The following CACNA1D variants were observed in gnomAD, a reference collection of about 807,000 sequenced individuals.
The protein encoded by CACNA1D is calcium voltage-gated channel subunit alpha1 D, also known as voltage-dependent L-type calcium channel subunit alpha-1D.
A neutral mutation model predicts 257.1 loss-of-function variants in CACNA1D; 55 were observed. The observed-to-expected ratio is 0.21, with a 90% CI of 0.17 to 0.27. The LOEUF is 0.27. Among genes scored for constraint, CACNA1D ranks in the 10% least tolerant of loss-of-function variants. The pLI is 1.00. For missense variants in CACNA1D, 1,876 were observed against 2,784.0 expected, an observed-to-expected ratio of 0.67 and a Z score of 7.34; for synonymous variants, 980 against 1,014.9, an observed-to-expected ratio of 0.97 and a Z score of 0.65.
Position 53,537,186 on chromosome 3 carries a change from G to A in CACNA1D, c.483+35466G>A, listed in dbSNP as rs190225934. On this transcript the variant is annotated intron_variant, in intron 3 of 47. Transcript: ENST00000350061. ...TTTAATAGTTAACATTCCAAAAAAT[G>A]TTTTGTTTATACTAGAATATATATT... is the stretch of plus-strand genomic sequence containing the variant. Among the ~76,000 whole-genome samples, 380 of 152,096 alleles carry A rather than the reference G, an allele frequency of 2.5e-3. 1 individual carries two copies. Among genetic ancestry groups the A allele is most frequent in the African/African-American group, 8.3e-3 (346 of 41,484 alleles).
intron 3 of CACNA1D, among the ~76,000 whole-genome samples, chr3:53,526,737 C>T (rs1388605499): frequency 1.3e-5 from 2 of 152,186 alleles, no homozygotes; most frequent in African/African-American, 2.4e-5. Context: ...CACTTTGTCA[C>T]CAAGCCTGGA....
At position 53,751,441 on chromosome 3, in the gene CACNA1D, G is replaced by A. The variant is rs2095225197; in HGVS notation, c.3517-308G>A. Among the ~76,000 whole-genome samples, 2 of 152,194 alleles carry A rather than the reference G, an allele frequency of 1.3e-5. No individual in the cohort carries two copies. The highest frequency in any genetic ancestry group is 6.5e-5 in the Admixed American group (1 of 15,288). The stretch of plus-strand genomic sequence containing the variant: ...ACTCCTGCTTGTGTATACACTGCAG[G>A]GCCTCAGGAAAGACAGCTAAAAGCT... On this transcript the variant is annotated intron_variant, in intron 27 of 47. Coordinates refer to ENST00000350061, the MANE Select transcript of CACNA1D (RefSeq NM_001128840.3). The surrounding 1 kb of genome is among the most constrained non-coding windows in gnomAD (Gnocchi z 4.3).
At position 53,735,403 on chromosome 3, in the gene CACNA1D, A is replaced by C; in HGVS notation, c.2651A>C (p.Asn884Thr). 1 of 1,614,070 alleles carries C rather than the reference A, an allele frequency of 6.2e-7. No homozygotes were observed. Among genetic ancestry groups the C allele is most frequent in the Non-Finnish European group, 8.5e-7 (1 of 1,179,932 alleles). Reference sequence around the variant, plus strand: ...CGCGTAGGCTGCCACAAGCTCATCAACCACCACATCTTCACCAACCTCATC... The same window carrying C: ...CGCGTAGGCTGCCACAAGCTCATCACCCACCACATCTTCACCAACCTCATC... Reference protein sequence around the residue: ...PIRVGCHKLINHHIFTNLILV... With the variant: ...PIRVGCHKLITHHIFTNLILV... Residue 884 changes from asparagine to threonine, a missense_variant, in exon 20 of 48, where the codon AAC becomes ACC. Physicochemically the swap from Asn to Thr is moderately conservative, Grantham distance 65. Around this residue, in one of 10 missense-constraint regions of CACNA1D, gnomAD observed 271 missense variants for 425.5 expected, o/e 0.64. Transcript: ENST00000350061.
At chr3:53,504,741 G>A (rs555612581) in intron 3 of CACNA1D, among the ~76,000 whole-genome samples, 26 of 152,104 alleles carry the variant, frequency 1.7e-4, no homozygotes, top group Non-Finnish European at 3.4e-4. Context: ...TCAAGTGTCA[G>A]AGTGGGGATG....
At chr3:53,692,154 G>T (rs1207862382) in intron 8 of CACNA1D, among the ~76,000 whole-genome samples, 3 of 151,300 alleles carry the variant, frequency 2.0e-5, no homozygotes, top group African/African-American at 7.3e-5. Flanking sequence ...AATGGCCGGG[G>T]TTTGTGATAA....
At chr3:53,572,588 C>A (rs939776927) in intron 3 of CACNA1D, among the ~76,000 whole-genome samples, 11 of 151,980 alleles carry the variant, frequency 7.2e-5, no homozygotes, top group Non-Finnish European at 1.5e-4. Flanking sequence ...TTTATAGAGA[C>A]AAGGCTTCAC....
At chr3:53,714,224 TA>T (rs562074173) in intron 9 of CACNA1D, among the ~76,000 whole-genome samples, 37 of 152,330 alleles carry the variant, frequency 2.4e-4, no homozygotes, top group Middle Eastern at 3.4e-3. Context: ...TGCTTATTTC[TA>T]CAGTAGGGGA....
intron 3 of CACNA1D, among the ~76,000 whole-genome samples, chr3:53,515,903 G>A (rs1181551638): frequency 6.6e-6 from 1 of 152,160 alleles, no homozygotes; most frequent in Non-Finnish European, 1.5e-5. Context: ...CAGGCATTTA[G>A]GCTCTGCCCT....
At chr3:53,500,700 C>G (rs1397257854) in intron 2 of CACNA1D, among the ~76,000 whole-genome samples, 2 of 152,042 alleles carry the variant, frequency 1.3e-5, no homozygotes, top group African/African-American at 4.8e-5. Context: ...GGCTGAAAAC[C>G]CAAAGAAGAA....
At chr3:53,520,894 CTTTTCTTTTCTTTTCTTTTCTT>C (rs2091540617) in intron 3 of CACNA1D, among the ~76,000 whole-genome samples, 1 of 103,034 alleles carries the variant, frequency 9.7e-6, no homozygotes, top group African/African-American at 3.5e-5. Context: ...TTCTTTCTTT[CTTTTCTTTTCTTTTCTTTTCTT>C]TTTCTTTCTT....
In CACNA1D at chr3:53,774,550, A is replaced by C. The variant is rs764818938; in HGVS notation, c.4111-37A>C. 7.9e-7 allele frequency: 1 copy of C among 1,269,040 alleles called. No homozygotes were observed. The highest frequency in any genetic ancestry group is 1.2e-6 in the Non-Finnish European group (1 of 864,862). The allele number at this position is 1,269,040 out of a possible 1,614,324, so 78.6% of individuals were successfully genotyped here. A position where few individuals can be genotyped will look rare whatever the true frequency, so the allele number is the denominator to read the frequency against. On this transcript the variant is annotated intron_variant, in intron 33 of 47. Transcript: ENST00000350061. The surrounding 1 kb of genome is among the most constrained non-coding windows in gnomAD (Gnocchi z 4.3). ...CATACGGATTTTTTTTGCATGACGAAATCTATTCTCTTTTTCCTGACAACT... is the reference window on the plus strand; with the variant it reads ...CATACGGATTTTTTTTGCATGACGACATCTATTCTCTTTTTCCTGACAACT...
At chr3:53,596,640 A>G (rs955637278) in intron 3 of CACNA1D, among the ~76,000 whole-genome samples, 3 of 152,202 alleles carry the variant, frequency 2.0e-5, no homozygotes, top group Admixed American at 1.3e-4. Flanking sequence ...GCAGAAGTCA[A>G]GAGTGATGTA....
Position 53,813,087 on chromosome 3 carries a change from AT to A in CACNA1D, c.*1685del, listed in dbSNP as rs1346694066. 3.3e-5 allele frequency: 5 copies of A among 151,550 alleles called. No homozygotes were observed. Among genetic ancestry groups the A allele is most frequent in the Non-Finnish European group, 7.4e-5 (5 of 67,962 alleles). 9.4% of individuals were successfully genotyped at this position (151,550 alleles called of 1,614,324 possible). On this transcript the variant is annotated 3_prime_UTR_variant, in exon 48 of 48. Coordinates refer to ENST00000350061, the MANE Select transcript of CACNA1D (RefSeq NM_001128840.3). ...TCAAAAAGATAGATGATAGGTAGCA[AT>A]TTTGGTCCAAAATTTTTAATAGTAT...
intron 3 of CACNA1D, among the ~76,000 whole-genome samples, chr3:53,614,759 C>T (rs544188790): frequency 1.3e-5 from 2 of 152,168 alleles, no homozygotes; most frequent in Non-Finnish European, 2.9e-5. Flanking sequence ...TGTGTCATAA[C>T]AACTGTCTCT....
chr3:53,612,397 G>A (rs971851800), intron 3 of CACNA1D, among the ~76,000 whole-genome samples: 2 of 152,156 alleles, frequency 1.3e-5, no homozygotes, highest in African/African-American at 2.4e-5. Context: ...CTGTCTTTAA[G>A]CGTTGTTAGG....
intron 10 of CACNA1D, 88 bp from the exon 11 acceptor site, chr3:53,719,667 G>C: frequency 8.1e-7 from 1 of 1,232,362 alleles, no homozygotes; most frequent in African/African-American, 1.5e-5. Flanking sequence ...TGTATGCATG[G>C]CTTTTATGAT....
At chr3:53,755,334 AGTGT>A (rs147863905) in intron 29 of CACNA1D, among the ~76,000 whole-genome samples, 1 of 151,858 alleles carries the variant, frequency 6.6e-6, no homozygotes, top group African/African-American at 2.4e-5. Flanking sequence ...TGTGTGTGTC[AGTGT>A]GTGTGTGTGC....
chr3:53,810,781 AAAAAAC>A lies in CACNA1D; in HGVS notation c.6193-325_6193-320del, dbSNP rs1316399498. ...CTCAAAAAAAAAAAAAAAAAAAAAAAAAAAACAAAAACTGGTCACCACCGTCAATTC... is the reference window on the plus strand; with the variant it reads ...CTCAAAAAAAAAAAAAAAAAAAAAAAAAAAACTGGTCACCACCGTCAATTC... On this transcript the variant is annotated intron_variant, in intron 47 of 47. Transcript: ENST00000350061. Among the ~76,000 whole-genome samples, 584 of 140,372 alleles carry A rather than the reference AAAAAAC, an allele frequency of 4.2e-3. 14 individuals are homozygous for A. Among genetic ancestry groups the A allele is most frequent in the African/African-American group, 0.014 (526 of 37,700 alleles). 92.1% of individuals were successfully genotyped at this position (140,372 alleles called of 152,430 possible). A position where few individuals can be genotyped will look rare whatever the true frequency, so the allele number is the denominator to read the frequency against.
intron 5 of CACNA1D, among the ~76,000 whole-genome samples, chr3:53,662,796 C>G (rs1028225155): frequency 6.6e-6 from 1 of 152,126 alleles, no homozygotes; most frequent in Non-Finnish European, 1.5e-5. Flanking sequence ...ATAAATGTGA[C>G]AAATCTGAAA....
Sources: gnomAD v4.1 joint callset for allele counts (sites outside exome capture counted in the v4.1 genomes callset) on GRCh38, gnomAD v4.1.1 for gene constraint, gnomAD v4.1.1 regional missense constraint, Gnocchi (gnomAD v3.1) non-coding constraint, MANE v1.5 for transcripts, NCBI Gene and HGNC (gene_info 2026-07-23, HGNC 2026-07-21) for gene names.